The following DTNB variants were observed in gnomAD, a reference collection of about 807,000 sequenced individuals.
DTNB encodes the protein DTN-B.
In DTNB, 63 loss-of-function variants were observed where a neutral mutation model predicts 90.7. The observed-to-expected ratio is 0.69, with a 90% confidence interval of 0.57 to 0.86. DTNB has a LOEUF of 0.86. Ranked by LOEUF, DTNB falls within the 40% of genes least tolerant of loss-of-function variation. The probability of loss-of-function intolerance (pLI) is 0.00; values close to 1 mark genes in which losing one functional copy is unlikely to be tolerated. For missense variants in DTNB, 744 were observed against 807.1 expected (o/e 0.92, Z 0.95); for synonymous variants, 277 against 286.7 (o/e 0.97, Z 0.34).
chr2:25,567,924 G>A (rs1189678116), intron 8 of DTNB, among the ~76,000 whole-genome samples: 1 of 152,220 alleles, frequency 6.6e-6, no homozygotes, highest in African/African-American at 2.4e-5. Flanking sequence ...ACTTTGGGAG[G>A]CCACGGTGGG....
chr2:25,411,898 T>C (rs146594317), intron 16 of DTNB, among the ~76,000 whole-genome samples: 37 of 152,188 alleles, frequency 2.4e-4, no homozygotes, highest in Non-Finnish European at 4.1e-4. Context: ...CTCAGGCTTC[T>C]ATTTCGGAAG....
intron 9 of DTNB, among the ~76,000 whole-genome samples, chr2:25,494,481 AG>A (rs1280301130): frequency 1.2e-3 from 13 of 10,950 alleles, no homozygotes; most frequent in South Asian, 3.3e-3. Flanking sequence ...TGGGGGGAGG[AG>A]GGGGGAGTGC....
chr2:25,487,146 T>G (rs2066375233), intron 9 of DTNB, among the ~76,000 whole-genome samples: 1 of 152,174 alleles, frequency 6.6e-6, no homozygotes, highest in Non-Finnish European at 1.5e-5. Context: ...AAAGATTATC[T>G]TTATTTCAAT....
In DTNB at chr2:25,536,887, C is replaced by T. The variant is rs575566350; in HGVS notation, c.877-5290G>A. ...CCTCCTGAGTTGCTGGGACTACAGG[C>T]GCGTGCCACCATGCCTGGCTAATTT... On this transcript the variant is annotated intron_variant, in intron 8 of 20. Coordinates refer to ENST00000406818, the MANE Select transcript of DTNB (RefSeq NM_021907.5). Among the ~76,000 whole-genome samples, 373 of 152,220 alleles carry T rather than the reference C, an allele frequency of 2.5e-3. 5 individuals are homozygous for T. The highest frequency in any genetic ancestry group is 0.02 in the Admixed American group (307 of 15,294).
At chr2:25,633,683 G>A (rs377094132) in intron 3 of DTNB, among the ~76,000 whole-genome samples, 7 of 151,192 alleles carry the variant, frequency 4.6e-5, no homozygotes, top group East Asian at 2.0e-4. Flanking sequence ...AATGAGGAGC[G>A]TCTCTGCCCG....
chr2:25,378,574 TG>T (rs751441829), intron 20 of DTNB, among the ~76,000 whole-genome samples: 4 of 72,536 alleles, frequency 5.5e-5, no homozygotes, highest in East Asian at 3.9e-4. Flanking sequence ...ATATAAGAGG[TG>T]GGGGGGTGGG....
At chr2:25,486,283 C>T (rs563101159) in intron 9 of DTNB, among the ~76,000 whole-genome samples, 2 of 151,840 alleles carry the variant, frequency 1.3e-5, no homozygotes, top group South Asian at 2.1e-4. Context: ...GGCAACATAG[C>T]GAAACCCCGT....
At chr2:25,560,390 GA>G (rs1263040948) in intron 8 of DTNB, among the ~76,000 whole-genome samples, 1 of 152,244 alleles carries the variant, frequency 6.6e-6, no homozygotes, top group African/African-American at 2.4e-5. Flanking sequence ...GTGTAAAAGA[GA>G]TGGCCTTCCC....
At chr2:25,491,875 G>C (rs1011822016) in intron 9 of DTNB, among the ~76,000 whole-genome samples, 1 of 151,498 alleles carries the variant, frequency 6.6e-6, no homozygotes, top group Non-Finnish European at 1.5e-5. Flanking sequence ...CAATGAAGTA[G>C]ATACCATTAT....
intron 12 of DTNB, among the ~76,000 whole-genome samples, chr2:25,439,576 C>G (rs2056876345): frequency 6.6e-6 from 1 of 152,036 alleles, no homozygotes; most frequent in Non-Finnish European, 1.5e-5. Flanking sequence ...TTCTGTAAAT[C>G]TAAAACTTTT....
Position 25,652,593 on chromosome 2 carries a change from C to T in DTNB, c.67+1G>A, listed in dbSNP as rs1420286511. 1.2e-6 allele frequency: 2 copies of T among 1,610,630 alleles called. No homozygotes were observed. The highest frequency in any genetic ancestry group is 1.1e-5 in the South Asian group (1 of 90,728). On this transcript the variant is annotated splice_donor_variant, in intron 2 of 20. Transcript: ENST00000406818. LOFTEE classifies it high-confidence loss of function. The stretch of plus-strand genomic sequence containing the variant: ...CATATGAACAAGGACTCAAGACTCA[C>T]GCATTTCTATGAACAGCTGCCTCTT...
At chr2:25,535,721 C>T (rs147725530) in intron 8 of DTNB, among the ~76,000 whole-genome samples, 2,246 of 129,602 alleles carry the variant, frequency 0.017, 73 homozygotes, top group African/African-American at 0.029. Context: ...ACTTCCTAGA[C>T]GGGGTGGCTG....
intron 8 of DTNB, among the ~76,000 whole-genome samples, chr2:25,533,600 AC>A (rs2078699203): frequency 6.6e-6 from 1 of 152,218 alleles, no homozygotes; most frequent in African/African-American, 2.4e-5. Context: ...CATTTTCCAT[AC>A]AAAAGCTTTC....
intron 1 of DTNB, among the ~76,000 whole-genome samples, chr2:25,655,610 C>T (rs1468222871): frequency 6.6e-6 from 1 of 152,126 alleles, no homozygotes; most frequent in Non-Finnish European, 1.5e-5. Context: ...GGAGCCAGTC[C>T]TAACATGCTA....
At chr2:25,477,163 G>A (rs1487040846) in intron 10 of DTNB, among the ~76,000 whole-genome samples, 1 of 152,102 alleles carries the variant, frequency 6.6e-6, no homozygotes, top group Non-Finnish European at 1.5e-5. Context: ...TTAAAATTAA[G>A]GTACATACTT....
At chr2:25,402,404 G>A (rs191844696) in intron 16 of DTNB, among the ~76,000 whole-genome samples, 25 of 152,274 alleles carry the variant, frequency 1.6e-4, no homozygotes, top group African/African-American at 5.5e-4. Context: ...TAGCAGAGGC[G>A]CCCACCTGCA....
intron 9 of DTNB, among the ~76,000 whole-genome samples, chr2:25,502,307 TTA>T (rs1429299104): frequency 6.6e-6 from 1 of 152,132 alleles, no homozygotes; most frequent in Non-Finnish European, 1.5e-5. Context: ...GCAAAACTGA[TTA>T]TAATAGAGGA....
Position 25,579,806 on chromosome 2 carries a change from A to G in DTNB, c.709+915T>C, listed in dbSNP as rs185841137. 6.6e-5 allele frequency among the ~76,000 whole-genome samples: 10 copies of G among 152,224 alleles called. No individual in the cohort carries two copies. The East Asian group carries it at 1.7e-3, about 26-fold the overall frequency. On this transcript the variant is annotated intron_variant, in intron 7 of 20. Coordinates refer to ENST00000406818, the MANE Select transcript of DTNB (RefSeq NM_021907.5). ...TAATTATAGTTTTAGCAGTTGATAT[A>G]GCATATATACAGTTTTTTAGAGATA...
chr2:25,623,920 C>T (rs567752168), intron 4 of DTNB, among the ~76,000 whole-genome samples: 2 of 152,266 alleles, frequency 1.3e-5, no homozygotes, highest in East Asian at 3.9e-4. Flanking sequence ...TGGGCCAGGG[C>T]ACTCTGAAAT....
Sources: gnomAD v4.1 joint callset for allele counts (sites outside exome capture counted in the v4.1 genomes callset) on GRCh38, gnomAD v4.1.1 for gene constraint, MANE v1.5 for transcripts, NCBI Gene and HGNC (gene_info 2026-07-23, HGNC 2026-07-21) for gene names.